Variants in CSMD1 observed in about 807,000 individuals in gnomAD.
CSMD1 encodes the protein CUB and Sushi multiple domains 1.
A neutral mutation model predicts 417.5 loss-of-function variants in CSMD1; 213 were observed. The ratio of observed to expected loss-of-function variants is 0.51; its 90% CI spans 0.46 to 0.57. CSMD1 has a LOEUF of 0.57. Among genes scored for constraint, CSMD1 ranks in the 20% least tolerant of loss-of-function variants. The pLI, the probability that CSMD1 is intolerant of heterozygous loss-of-function variation, is 0.00. For missense variants in CSMD1, 6,923 were observed against 4,529.7 expected, an observed-to-expected ratio of 1.53 and a Z score of -15.17; for synonymous variants, 2,862 against 1,736.8, an observed-to-expected ratio of 1.65 and a Z score of -16.11.
At chr8:3,471,477 C>G (rs1817094956) in intron 11 of CSMD1, among the ~76,000 whole-genome samples, 1 of 151,852 alleles carries the variant, frequency 6.6e-6, no homozygotes, top group African/African-American at 2.4e-5. Flanking sequence ...TGGAATCTGG[C>G]TTAGTTCCTT....
At chr8:4,592,104 C>T (rs187670096) in intron 2 of CSMD1, among the ~76,000 whole-genome samples, 5 of 152,022 alleles carry the variant, frequency 3.3e-5, no homozygotes, top group South Asian at 2.1e-4. Context: ...AGATGTTTAA[C>T]GAGCGGCTTT....
chr8:3,515,054 C>A (rs557883216), intron 10 of CSMD1, among the ~76,000 whole-genome samples: 1 of 152,132 alleles, frequency 6.6e-6, no homozygotes, highest in Non-Finnish European at 1.5e-5. Flanking sequence ...TATTCGACAT[C>A]TAACTTTTCA....
At chr8:3,755,007 G>A (rs1432682734) in intron 5 of CSMD1, among the ~76,000 whole-genome samples, 1 of 152,188 alleles carries the variant, frequency 6.6e-6, no homozygotes, top group Non-Finnish European at 1.5e-5. Flanking sequence ...TTCTGGTTAA[G>A]CTGTTTAAAA....
intron 1 of CSMD1, among the ~76,000 whole-genome samples, chr8:4,940,479 G>C (rs779062984): frequency 1.3e-5 from 2 of 152,194 alleles, no homozygotes; most frequent in Non-Finnish European, 2.9e-5. Context: ...GGCATGGTCT[G>C]TGTCCCCACT....
intron 10 of CSMD1, among the ~76,000 whole-genome samples, chr8:3,552,616 A>C (rs1223155142): frequency 1.3e-5 from 2 of 152,198 alleles, no homozygotes; most frequent in Non-Finnish European, 2.9e-5. Context: ...AAGAGGACTC[A>C]AGTGTAACGC....
At chr8:4,421,763 C>T (rs750493770) in intron 2 of CSMD1, among the ~76,000 whole-genome samples, 1 of 150,948 alleles carries the variant, frequency 6.6e-6, no homozygotes, top group African/African-American at 2.4e-5. Flanking sequence ...ATTCTTATTG[C>T]AAGAACTATA....
chr8:4,081,920 G>A (rs560718176), intron 3 of CSMD1, among the ~76,000 whole-genome samples: 1 of 152,076 alleles, frequency 6.6e-6, no homozygotes, highest in Non-Finnish European at 1.5e-5. Flanking sequence ...GGAGTGTGTA[G>A]CTTAAATACT....
At position 3,524,587 on chromosome 8, in the gene CSMD1, A is replaced by G. The variant is rs375865124; in HGVS notation, c.1345-30861T>C. Among the ~76,000 whole-genome samples, 792 of 152,070 alleles carry G rather than the reference A, an allele frequency of 5.2e-3. 8 individuals are homozygous for G. Among genetic ancestry groups the G allele is most frequent in the African/African-American group, 0.018 (729 of 41,458 alleles). On this transcript the variant is annotated intron_variant, in intron 10 of 69. Transcript: ENST00000635120. Reference sequence around the variant, plus strand: ...TGCATACCCAGACACTTATGCACACACAAGGACACACATCCACACACATGC... The same window carrying G: ...TGCATACCCAGACACTTATGCACACGCAAGGACACACATCCACACACATGC...
At chr8:4,791,164 G>A (rs1004827675) in intron 1 of CSMD1, among the ~76,000 whole-genome samples, 5 of 152,128 alleles carry the variant, frequency 3.3e-5, no homozygotes, top group African/African-American at 9.7e-5. Context: ...AACACATGGA[G>A]ATAAGCCAAG....
intron 3 of CSMD1, among the ~76,000 whole-genome samples, chr8:4,161,484 G>A (rs961102862): frequency 1.3e-5 from 2 of 152,168 alleles, no homozygotes; most frequent in Non-Finnish European, 2.9e-5. Context: ...TCATGCTGCT[G>A]TTGAGATAAA....
chr8:3,686,062 C>G (rs1225711917), intron 7 of CSMD1, among the ~76,000 whole-genome samples: 2 of 151,314 alleles, frequency 1.3e-5, no homozygotes, highest in African/African-American at 4.9e-5. Context: ...CCACCCCTCA[C>G]TATTCTTATC....
intron 12 of CSMD1, among the ~76,000 whole-genome samples, chr8:3,453,284 T>C (rs1412966715): frequency 1.3e-5 from 2 of 152,226 alleles, no homozygotes; most frequent in Non-Finnish European, 2.9e-5. Context: ...TCATTTTTTT[T>C]GAAGGGTTTT....
At position 4,720,580 on chromosome 8, in the gene CSMD1, G is replaced by A. The variant is rs376868537; in HGVS notation, c.86-83022C>T. On this transcript the variant is annotated intron_variant, in intron 1 of 69. Coordinates refer to ENST00000635120, the MANE Select transcript of CSMD1 (RefSeq NM_033225.6). ...TTAAAGGCACATGCCACCATGCCAG[G>A]CTAATTTCTGTATTTAAATAGAGAC... is the stretch of plus-strand genomic sequence containing the variant. Among the ~76,000 whole-genome samples the A allele has an allele frequency of 1.6e-3, 251 of 152,146 alleles. 9 individuals carry two copies. The South Asian group carries it at 0.051, about 31-fold the overall frequency.
intron 10 of CSMD1, among the ~76,000 whole-genome samples, chr8:3,552,438 G>T (rs552991293): frequency 6.6e-6 from 1 of 152,208 alleles, no homozygotes; most frequent in South Asian, 2.1e-4. Context: ...TTTTAAAAGG[G>T]ATTGTTGTTA....
At chr8:4,034,770 GTCAT>G (rs754396357) in intron 3 of CSMD1, among the ~76,000 whole-genome samples, 8 of 152,200 alleles carry the variant, frequency 5.3e-5, no homozygotes, top group Non-Finnish European at 1.2e-4. Flanking sequence ...TCTTCTTAGG[GTCAT>G]TATTATTAAC....
chr8:3,084,390 G>A (rs1295833964), intron 49 of CSMD1, among the ~76,000 whole-genome samples: 1 of 152,006 alleles, frequency 6.6e-6, no homozygotes, highest in Non-Finnish European at 1.5e-5. Context: ...GGCTATGGTG[G>A]TGGGTGCCTG....
chr8:4,578,624 G>C (rs1157895345), intron 2 of CSMD1, among the ~76,000 whole-genome samples: 1 of 151,010 alleles, frequency 6.6e-6, no homozygotes, highest in Non-Finnish European at 1.5e-5. Context: ...AGATCAGCCT[G>C]GCCAACATGG....
At chr8:4,549,619 T>A (rs993677847) in intron 2 of CSMD1, among the ~76,000 whole-genome samples, 2 of 151,980 alleles carry the variant, frequency 1.3e-5, no homozygotes, top group Non-Finnish European at 2.9e-5. Flanking sequence ...CCGGGCGCGG[T>A]GGCTCACACC....
At chr8:4,847,093 C>T (rs1028680367) in intron 1 of CSMD1, among the ~76,000 whole-genome samples, 6 of 151,944 alleles carry the variant, frequency 3.9e-5, no homozygotes, top group Non-Finnish European at 8.8e-5. Flanking sequence ...ACGCTCTGCT[C>T]GTGTATCAAG....
Sources: allele counts gnomAD v4.1 joint callset (sites outside exome capture counted in the v4.1 genomes callset), GRCh38; gene constraint gnomAD v4.1.1; transcripts MANE v1.5; gene names NCBI Gene and HGNC (gene_info 2026-07-23, HGNC 2026-07-21).